Variants in MAGI2 observed in about 807,000 individuals in gnomAD.
The protein encoded by MAGI2 is membrane-associated guanylate kinase, WW and PDZ domain-containing protein 2.
In MAGI2, 35 loss-of-function variants were observed where a neutral mutation model predicts 133.3. That is an observed-to-expected ratio of 0.26 (90% confidence interval 0.20 to 0.35). MAGI2 has a LOEUF of 0.35. Ranked by LOEUF, MAGI2 falls within the 10% of genes least tolerant of loss-of-function variation. MAGI2 has a pLI of 1.00. For missense variants in MAGI2, 1,636 were observed against 1,863.4 expected (o/e 0.88, Z 2.25); for synonymous variants, 729 against 710.6 (o/e 1.03, Z -0.41).
chr7:79,212,617 G>C (rs969676499), intron 1 of MAGI2, among the ~76,000 whole-genome samples: 2 of 152,022 alleles, frequency 1.3e-5, no homozygotes, highest in African/African-American at 2.4e-5. Context: ...AACTGTAACT[G>C]GGATTCTTCG....
intron 13 of MAGI2, chr7:78,184,493 G>A (rs1295041860): frequency 6.6e-6 from 1 of 152,150 alleles, no homozygotes; most frequent in Non-Finnish European, 1.5e-5. Context: ...GATGGATAAT[G>A]AGCTGTCATC....
chr7:79,315,324 A>AGTTTTTTTTT (rs1563107001), intron 1 of MAGI2, among the ~76,000 whole-genome samples: 5 of 84,068 alleles, frequency 5.9e-5, no homozygotes, highest in African/African-American at 1.7e-4. Context: ...ATGCCCAGTT[A>AGTTTTTTTTT]ATTTTTTTTT....
chr7:78,640,051 T>C (rs1036964745), intron 2 of MAGI2, among the ~76,000 whole-genome samples: 1 of 152,182 alleles, frequency 6.6e-6, no homozygotes, highest in Non-Finnish European at 1.5e-5. Context: ...CCCCATGGCC[T>C]AGATCCATAT....
chr7:78,214,141 C>T (rs897603223), intron 10 of MAGI2, among the ~76,000 whole-genome samples: 6 of 152,276 alleles, frequency 3.9e-5, no homozygotes, highest in Admixed American at 2.0e-4. Context: ...TGAGGTAATC[C>T]GAAGCCCACT....
intron 10 of MAGI2, among the ~76,000 whole-genome samples, chr7:78,212,510 G>A (rs540106354): frequency 6.6e-6 from 1 of 152,320 alleles, no homozygotes; most frequent in South Asian, 2.1e-4. Flanking sequence ...GCCTCTGGAA[G>A]TGGATTCTCT....
chr7:79,173,174 G>A (rs1825775349), intron 1 of MAGI2, among the ~76,000 whole-genome samples: 2 of 151,560 alleles, frequency 1.3e-5, no homozygotes, highest in Admixed American at 1.3e-4. Context: ...GCAACAAAAA[G>A]GTATAATCTA....
At chr7:78,203,106 C>T (rs140949411) in intron 10 of MAGI2, among the ~76,000 whole-genome samples, 31 of 152,282 alleles carry the variant, frequency 2.0e-4, no homozygotes, top group African/African-American at 7.0e-4. Flanking sequence ...CCAGCAATAG[C>T]ACTTTTGCGA....
intron 21 of MAGI2, among the ~76,000 whole-genome samples, chr7:78,058,003 A>ATATATG: frequency 8.5e-6 from 1 of 117,028 alleles, no homozygotes; most frequent in African/African-American, 3.3e-5. Context: ...ATATATATAT[A>ATATATG]TGTATGAGAA....
chr7:79,309,894 G>A (rs1373419987), intron 1 of MAGI2, among the ~76,000 whole-genome samples: 4 of 150,684 alleles, frequency 2.7e-5, no homozygotes, highest in African/African-American at 4.9e-5. Context: ...ACTTTGTGAG[G>A]CCGAGGCAGG....
At chr7:78,449,894 C>T (rs1788539195) in intron 6 of MAGI2, among the ~76,000 whole-genome samples, 1 of 152,076 alleles carries the variant, frequency 6.6e-6, no homozygotes, top group African/African-American at 2.4e-5. Flanking sequence ...GCTGCAGTTT[C>T]TTTGCACTTC....
intron 21 of MAGI2, among the ~76,000 whole-genome samples, chr7:78,040,524 C>T (rs146896878): frequency 4.6e-5 from 7 of 152,282 alleles, no homozygotes; most frequent in Admixed American, 4.6e-4. Context: ...TAAGGTCACC[C>T]CACACGGGTT....
chr7:78,132,882 A>AT lies in MAGI2; in HGVS notation c.3203+6dup, dbSNP rs756354782. ...CTCAGAATCACAAAAGTCAGAGGAA[A>AT]TTTTACCTATTTTCGTGTCCTTGCA... On this transcript the variant is annotated splice_region_variant and intron_variant, in intron 18 of 21. Transcript: ENST00000354212. 4 of 1,613,802 alleles carry AT rather than the reference A, an allele frequency of 2.5e-6. No individual in the cohort carries two copies. The East Asian group carries it at 8.9e-5, about 36-fold the overall frequency.
rs16886201 is a variant in MAGI2, at chr7:78,597,681, C to T, written c.538+29439G>A. 2.1e-3 allele frequency among the ~76,000 whole-genome samples: 313 copies of T among 152,208 alleles called. 1 individual carries two copies. The highest frequency in any genetic ancestry group is 7.1e-3 in the African/African-American group (295 of 41,528). On this transcript the variant is annotated intron_variant, in intron 3 of 21. Coordinates refer to ENST00000354212, the MANE Select transcript of MAGI2 (RefSeq NM_012301.4). ...TCCTGCTTTTACCTAACCATGAATG[C>T]GACTGACCCTGGGAAATGGTCTCTT...
chr7:79,164,478 C>T (rs1208059116), intron 1 of MAGI2, among the ~76,000 whole-genome samples: 3 of 151,908 alleles, frequency 2.0e-5, no homozygotes, highest in South Asian at 4.2e-4. Context: ...CCTCCCAATA[C>T]TGAAGAGATT....
intron 2 of MAGI2, among the ~76,000 whole-genome samples, chr7:78,805,701 T>C (rs1040905266): frequency 6.6e-6 from 1 of 152,166 alleles, no homozygotes; most frequent in African/African-American, 2.4e-5. Context: ...TTCTCTCAGA[T>C]CATTCACTCT....
intron 7 of MAGI2, among the ~76,000 whole-genome samples, chr7:78,353,302 G>A (rs1246720531): frequency 2.0e-5 from 3 of 152,260 alleles, no homozygotes; most frequent in Admixed American, 6.5e-5. Context: ...AGTCCTTTAC[G>A]TCTCATATAT....
chr7:78,890,882 C>T (rs1363247362), intron 2 of MAGI2, among the ~76,000 whole-genome samples: 4 of 152,034 alleles, frequency 2.6e-5, no homozygotes, highest in Admixed American at 1.3e-4. Context: ...AAGATCAGAG[C>T]AGAACTGAAG....
At chr7:78,075,656 G>A (rs186351124) in intron 21 of MAGI2, among the ~76,000 whole-genome samples, 3 of 152,272 alleles carry the variant, frequency 2.0e-5, no homozygotes, top group Admixed American at 6.5e-5. Flanking sequence ...GATTACAGGC[G>A]TGAGCCACCA....
chr7:78,963,561 A>G (rs752505198), intron 2 of MAGI2, among the ~76,000 whole-genome samples: 1 of 152,028 alleles, frequency 6.6e-6, no homozygotes, highest in Non-Finnish European at 1.5e-5. Flanking sequence ...CAACATGTAA[A>G]CTGGGAGAGC....
Sources: allele counts gnomAD v4.1 joint callset (sites outside exome capture counted in the v4.1 genomes callset), GRCh38; gene constraint gnomAD v4.1.1; transcripts MANE v1.5; gene names NCBI Gene and HGNC (gene_info 2026-07-23, HGNC 2026-07-21).